The following RASSF5 variants were observed in gnomAD, a reference collection of about 807,000 sequenced individuals.
The protein encoded by RASSF5 is Ras association domain family member 5, also known as ras association domain-containing protein 5.
A neutral mutation model predicts 40.5 loss-of-function variants in RASSF5; 25 were observed. The ratio of observed to expected loss-of-function variants is 0.62; its 90% CI spans 0.45 to 0.86. RASSF5 has a LOEUF of 0.86. Ranked by LOEUF, RASSF5 falls within the 40% of genes least tolerant of loss-of-function variation. The pLI, the probability that RASSF5 is intolerant of heterozygous loss-of-function variation, is 0.00. For synonymous variants in RASSF5, 246 were observed against 252.4 expected, an observed-to-expected ratio of 0.97 and a Z score of 0.24; for missense variants, 521 against 572.8, an observed-to-expected ratio of 0.91 and a Z score of 0.92.
chr1:206,533,377 TA>T (rs1448796095), intron 1 of RASSF5, among the ~76,000 whole-genome samples: 1 of 152,168 alleles, frequency 6.6e-6, no homozygotes, highest in East Asian at 1.9e-4. Context: ...TGTTTGGGCC[TA>T]AGGGCTCTGT....
intron 2 of RASSF5, among the ~76,000 whole-genome samples, chr1:206,566,738 G>C (rs1331310033): frequency 6.6e-6 from 1 of 152,178 alleles, no homozygotes; most frequent in Non-Finnish European, 1.5e-5. Flanking sequence ...CAGAGTGTTA[G>C]AGGGCATTTC....
chr1:206,515,736 C>A (rs1390849925), intron 1 of RASSF5, among the ~76,000 whole-genome samples: 2 of 152,208 alleles, frequency 1.3e-5, no homozygotes, highest in Admixed American at 1.3e-4. Context: ...AGGTTCATCT[C>A]TTATTTGGGA....
chr1:206,567,453 G>C (rs1553403565), intron 2 of RASSF5, among the ~76,000 whole-genome samples: 2 of 152,152 alleles, frequency 1.3e-5, no homozygotes. Context: ...AGTGCCATTG[G>C]TCTGGGCACC....
At chr1:206,511,321 C>G (rs1553394617) in intron 1 of RASSF5, among the ~76,000 whole-genome samples, 3 of 152,202 alleles carry the variant, frequency 2.0e-5, no homozygotes, top group Non-Finnish European at 1.5e-5. Flanking sequence ...AACTCACTGG[C>G]TGCCCTTTGG....
At chr1:206,518,034 C>T (rs1553395636) in intron 1 of RASSF5, among the ~76,000 whole-genome samples, 4 of 152,270 alleles carry the variant, frequency 2.6e-5, no homozygotes, top group East Asian at 1.9e-4. Flanking sequence ...GTGAGGTAAC[C>T]GATCACTTCT....
In RASSF5 at chr1:206,531,146, G is replaced by A. The variant is rs532063409; in HGVS notation, c.458-7026G>A. Among the ~76,000 whole-genome samples, 37 of 152,300 alleles carry A rather than the reference G, an allele frequency of 2.4e-4. No individual in the cohort carries two copies. Among genetic ancestry groups the A allele is most frequent in the South Asian group, 6.2e-4 (3 of 4,828 alleles). On this transcript the variant is annotated intron_variant, in intron 1 of 5. Coordinates refer to ENST00000579436, the MANE Select transcript of RASSF5 (RefSeq NM_182663.4). This position sits in a 1 kb window ranked among gnomAD's most constrained non-coding sequence, Gnocchi z 4.7. The stretch of plus-strand genomic sequence containing the variant: ...CAAGGCCACTAGAGGTTAGGACACC[G>A]GCCTGGGGTCGGATCAGCACTCGCA...
chr1:206,557,523 A>G (rs782609162), intron 2 of RASSF5: 2 of 1,608,792 alleles, frequency 1.2e-6, no homozygotes, highest in African/African-American at 1.3e-5. Context: ...CCGCATCCCA[A>G]GCCCGGCCCC....
Position 206,561,123 on chromosome 1 carries a change from T to G in RASSF5, c.580-22146T>G, listed in dbSNP as rs569273163. ...CTGGCACCGGCCCAGAGCATTGGGG[T>G]GAGTGCTCTGAGGACAATACAGCTT... is the stretch of plus-strand genomic sequence containing the variant. On this transcript the variant is annotated intron_variant, in intron 2 of 5. Transcript: ENST00000579436. Among the ~76,000 whole-genome samples the G allele has an allele frequency of 2.0e-4, 31 of 152,312 alleles. 1 individual carries two copies. In the South Asian group the frequency reaches 3.3e-3, roughly 16 times the overall value.
chr1:206,515,283 A>T (rs1666718093), intron 1 of RASSF5, among the ~76,000 whole-genome samples: 1 of 152,236 alleles, frequency 6.6e-6, no homozygotes, highest in Admixed American at 6.5e-5. Context: ...AATTTTCAAC[A>T]ATCAGTTTCT....
At chr1:206,557,899 C>G (rs1553402038) in intron 2 of RASSF5, among the ~76,000 whole-genome samples, 1 of 152,204 alleles carries the variant, frequency 6.6e-6, no homozygotes, top group East Asian at 1.9e-4. Flanking sequence ...CACAGCGGTT[C>G]CATCCACAGA....
At chr1:206,546,089 A>ATTTTTTTTTTTTTT (rs10603701) in intron 2 of RASSF5, among the ~76,000 whole-genome samples, 1 of 48,246 alleles carries the variant, frequency 2.1e-5, no homozygotes, top group African/African-American at 8.1e-5. Context: ...TTCTTTTTCT[A>ATTTTTTTTTTTTTT]TTTTTTTTTT....
chr1:206,517,471 CA>C (rs551163145), intron 1 of RASSF5, among the ~76,000 whole-genome samples: 6 of 150,516 alleles, frequency 4.0e-5, no homozygotes, highest in Non-Finnish European at 1.5e-5. Context: ...GATCCTGTCT[CA>C]AAAAAAAAGA....
At chr1:206,528,975 GC>G in intron 1 of RASSF5, 2 of 677,936 alleles carry the variant, frequency 3.0e-6, no homozygotes, top group South Asian at 1.7e-5. Flanking sequence ...GAAGCAGGAG[GC>G]CAAGGAAGTG....
At position 206,585,190 on chromosome 1, in the gene RASSF5, G is replaced by C. The variant is rs782607707; in HGVS notation, c.999G>C (p.Gln333His). 1.2e-6 allele frequency: 2 copies of C among 1,613,984 alleles called. No individual in the cohort carries two copies. Among genetic ancestry groups the C allele is most frequent in the South Asian group, 2.2e-5 (2 of 91,076 alleles). ...RIHKDGQVLF[Q>H]KLSIADRPLY... ...TCTCTTGGTTTGCAGTGCTCTTCCAGAAACTCTCCATTGCTGACCGCCCCC... is the reference window on the plus strand; with the variant it reads ...TCTCTTGGTTTGCAGTGCTCTTCCACAAACTCTCCATTGCTGACCGCCCCC... Residue 333 changes from glutamine (Q) to histidine (H), a missense_variant, in exon 5 of 6, where the codon CAG becomes CAC. Gln to His is a conservative substitution (Grantham distance 24). Transcript: ENST00000579436.
intron 2 of RASSF5, among the ~76,000 whole-genome samples, chr1:206,576,572 AAG>A (rs1279301598): frequency 6.6e-6 from 1 of 152,240 alleles, no homozygotes; most frequent in African/African-American, 2.4e-5. Flanking sequence ...ATTCAGGAGA[AAG>A]AGAGACCAGG....
chr1:206,530,680 A>G (rs1667216164), intron 1 of RASSF5, among the ~76,000 whole-genome samples: 1 of 152,198 alleles, frequency 6.6e-6, no homozygotes, highest in South Asian at 2.1e-4. Context: ...AAAAGCAGGG[A>G]GGAGGGATGT....
At chr1:206,581,236 T>C (rs1463052688) in intron 2 of RASSF5, 1 of 152,216 alleles carries the variant, frequency 6.6e-6, no homozygotes, top group Non-Finnish European at 1.5e-5. Context: ...CTGTTATTAA[T>C]AGGTCAGGAC....
chr1:206,583,343 C>T lies in RASSF5; in HGVS notation c.654C>T (p.Tyr218=). 1.9e-6 allele frequency: 3 copies of T among 1,613,638 alleles called. No individual in the cohort carries two copies. The highest frequency in any genetic ancestry group is 2.5e-6 in the Non-Finnish European group (3 of 1,179,714). ...AGATCAAGCAGAAGATCGACAGCTA[C>T]AACACGCGAGAGAAGAACTGCCTGG... ...LQEIKQKIDS[Y]NTREKNCLGM... Residue 218 remains tyrosine, a synonymous_variant, in exon 3 of 6, where the codon TAC becomes TAT. Transcript: ENST00000579436.
At chr1:206,524,694 T>TAA (rs1667053040) in intron 1 of RASSF5, among the ~76,000 whole-genome samples, 1 of 100,462 alleles carries the variant, frequency 1.0e-5, no homozygotes, top group African/African-American at 3.7e-5. Context: ...ATTTAATATA[T>TAA]TATATATTAT....
Sources: allele counts gnomAD v4.1 joint callset (sites outside exome capture counted in the v4.1 genomes callset), GRCh38; gene constraint gnomAD v4.1.1; non-coding constraint Gnocchi (gnomAD v3.1); transcripts MANE v1.5; gene names NCBI Gene and HGNC (gene_info 2026-07-23, HGNC 2026-07-21).